Variants in FBLN1 observed in about 807,000 individuals in gnomAD.
FBLN1 encodes fibulin-1.
FBLN1 carries 34 observed loss-of-function variants against 89.7 expected under a neutral mutation model. The ratio of observed to expected loss-of-function variants is 0.38; its 90% CI spans 0.29 to 0.50. The LOEUF is 0.50. FBLN1 is among the 20% of genes least tolerant of loss of function. The probability of loss-of-function intolerance (pLI) is 0.92; values close to 1 mark genes in which losing one functional copy is unlikely to be tolerated. For missense variants in FBLN1, 777 were observed against 988.1 expected (o/e 0.79, Z 2.86); for synonymous variants, 393 against 391.3 (o/e 1.00, Z -0.05).
intron 14 of FBLN1, among the ~76,000 whole-genome samples, chr22:45,568,428 G>GCCTCTTCTGTAGGGGAA (rs1386455026): frequency 0.33 from 24,005 of 73,330 alleles, 3,777 homozygotes; most frequent in Admixed American, 0.34. Context: ...CTGTAGGGGA[G>GCCTCTTCTGTAGGGGAA]TGCTCCTTCT....
At chr22:45,591,571 CACTT>C (rs1210035504) in intron 16 of FBLN1, among the ~76,000 whole-genome samples, 4 of 152,252 alleles carry the variant, frequency 2.6e-5, no homozygotes, top group East Asian at 1.9e-4. Flanking sequence ...TGTTGACTGA[CACTT>C]AGTATTTTAA....
chr22:45,528,760 C>T (rs774973831), intron 4 of FBLN1, among the ~76,000 whole-genome samples: 18 of 152,186 alleles, frequency 1.2e-4, no homozygotes, highest in Non-Finnish European at 8.8e-5. Flanking sequence ...ACAGGTAACA[C>T]GTGCATCCGT....
chr22:45,574,425 C>T lies in FBLN1; in HGVS notation c.1698-86C>T, dbSNP rs1014939162. Reference sequence around the variant, plus strand: ...GGGACAGATGCCCCTGCCCTGGCCACCTGCTCCTCCTCCCTAGACCTCGGC... The same window carrying T: ...GGGACAGATGCCCCTGCCCTGGCCATCTGCTCCTCCTCCCTAGACCTCGGC... On this transcript the variant is annotated intron_variant, in intron 14 of 16. Transcript: ENST00000327858. This position sits in a 1 kb window ranked among gnomAD's most constrained non-coding sequence, Gnocchi z 4.1. The T allele has an allele frequency of 1.7e-5, 25 of 1,494,328 alleles. No individual in the cohort carries two copies. In the African/African-American group the frequency reaches 2.9e-4, roughly 17 times the overall value. The allele number at this position is 1,494,328 out of a possible 1,614,324, so 92.6% of individuals were successfully genotyped here.
intron 2 of FBLN1, chr22:45,523,305 G>C: frequency 1.7e-6 from 1 of 592,322 alleles, no homozygotes; most frequent in South Asian, 2.2e-5. Flanking sequence ...GGCTGAGGGG[G>C]CCATGAGATA....
intron 14 of FBLN1, among the ~76,000 whole-genome samples, chr22:45,568,828 A>G (rs1263570264): frequency 2.2e-5 from 2 of 90,290 alleles, no homozygotes; most frequent in African/African-American, 4.2e-5. Context: ...TCCTCCTGTA[A>G]GGGAATGCCT....
Position 45,543,477 on chromosome 22 carries a change from C to T in FBLN1, c.1272C>T (p.Cys424=), listed in dbSNP as rs1425574394. The T allele has an allele frequency of 6.2e-7, 1 of 1,613,968 alleles. No homozygotes were observed. The highest frequency in any genetic ancestry group is 8.5e-7 in the Non-Finnish European group (1 of 1,180,020). The change falls in exon 11 of 17, where the codon TGC becomes TGT. Residue 424 remains cysteine, a synonymous_variant. Transcript: ENST00000327858. The stretch of plus-strand genomic sequence containing the variant: ...AGAACACGCTGGGCTCCTACCTCTG[C>T]AGCTGTTCCGTGGGCTTCCGGCTCT... The part of the protein sequence containing the change: ...KCENTLGSYL[C]SCSVGFRLSV...
In FBLN1 at chr22:45,542,217, C is replaced by T. The variant is rs1266918511; in HGVS notation, c.1129C>T (p.Pro377Ser). The change falls in exon 10 of 17, where the codon CCC (proline) becomes TCC (serine). Residue 377 changes from proline to serine, a missense_variant. Transcript: ENST00000327858. ...CGKGHRCVNS[P>S]GSFRCECKTG... is the part of the protein sequence containing the mutation. Reference sequence around the variant, plus strand: ...GAAGGGACATCGCTGCGTGAACTCTCCCGGCAGTTTCCGCTGCGAATGCAA... The same window carrying T: ...GAAGGGACATCGCTGCGTGAACTCTTCCGGCAGTTTCCGCTGCGAATGCAA... 1 of 1,614,206 alleles carries T rather than the reference C, an allele frequency of 6.2e-7. No homozygotes were observed. Among genetic ancestry groups the T allele is most frequent in the Non-Finnish European group, 8.5e-7 (1 of 1,180,042 alleles).
rs1278094979 is a variant in FBLN1 at position 45,575,698 on chromosome 22, A to G, written c.1840+1045A>G. On this transcript the variant is annotated intron_variant, in intron 15 of 16. Coordinates refer to ENST00000327858, the MANE Select transcript of FBLN1 (RefSeq NM_006486.3). The surrounding 1 kb of genome is among the most constrained non-coding windows in gnomAD (Gnocchi z 6.3). ...GCATGCAGTGTAGTCATGTTGTGTAACCTGCCATCACTGCACCGTTTCTCT... is the reference window on the plus strand; with the variant it reads ...GCATGCAGTGTAGTCATGTTGTGTAGCCTGCCATCACTGCACCGTTTCTCT... Among the ~76,000 whole-genome samples, 2 of 152,042 alleles carry G rather than the reference A, an allele frequency of 1.3e-5. No individual in the cohort carries two copies. Among genetic ancestry groups the G allele is most frequent in the African/African-American group, 2.4e-5 (1 of 41,394 alleles).
intron 1 of FBLN1, among the ~76,000 whole-genome samples, chr22:45,508,284 A>ATTTTTTTTTTTT (rs1273382952): frequency 3.1e-5 from 2 of 65,428 alleles, no homozygotes; most frequent in African/African-American, 1.1e-4. Context: ...AGCCTCGCGT[A>ATTTTTTTTTTTT]TCTTTTTTTT....
intron 14 of FBLN1, chr22:45,565,359 G>A: frequency 8.9e-7 from 1 of 1,122,784 alleles, no homozygotes; most frequent in Non-Finnish European, 1.1e-6. Context: ...GCTCATCCAT[G>A]TGCTTGTACC....
At chr22:45,511,538 C>T (rs756983602) in intron 1 of FBLN1, among the ~76,000 whole-genome samples, 2 of 151,766 alleles carry the variant, frequency 1.3e-5, no homozygotes, top group Admixed American at 6.6e-5. Context: ...CCTCTGCCTC[C>T]CGGGTTCAAG....
Position 45,563,373 on chromosome 22 carries a change from C to T in FBLN1, c.1698-11138C>T. 3 of 1,556,940 alleles carry T rather than the reference C, an allele frequency of 1.9e-6. No homozygotes were observed. Among genetic ancestry groups the T allele is most frequent in the South Asian group, 1.2e-5 (1 of 85,988 alleles). On this transcript the variant is annotated intron_variant, in intron 14 of 16. Coordinates refer to ENST00000327858, the MANE Select transcript of FBLN1 (RefSeq NM_006486.3). The surrounding 1 kb of genome is among the most constrained non-coding windows in gnomAD (Gnocchi z 5.7). ...CGTCCCACACAGTGAGCCTCGCGTG[C>T]CTTGGTTTTATTTGGCATGGTTGGG...
intron 14 of FBLN1, among the ~76,000 whole-genome samples, chr22:45,566,998 A>C (rs560020435): frequency 2.6e-4 from 39 of 152,274 alleles, no homozygotes; most frequent in Non-Finnish European, 4.6e-4. Flanking sequence ...GGAAGCAAGC[A>C]GTGCTAATAT....
intron 16 of FBLN1, among the ~76,000 whole-genome samples, chr22:45,582,569 C>G (rs2089051640): frequency 6.6e-6 from 1 of 152,224 alleles, no homozygotes; most frequent in Admixed American, 6.5e-5. Context: ...CCCTCCCAGC[C>G]TCAATGATTC....
Position 45,543,095 on chromosome 22 carries a change from C to T in FBLN1, c.1196-306C>T, listed in dbSNP as rs1393642774. ...CAGCCTGGCCAACATGACGAAACCT[C>T]ATCTCTACAAAAAATACAAAAATTA... is the stretch of plus-strand genomic sequence containing the variant. On this transcript the variant is annotated intron_variant, in intron 10 of 16. Transcript: ENST00000327858. Among the ~76,000 whole-genome samples, 6 of 152,306 alleles carry T rather than the reference C, an allele frequency of 3.9e-5. No individual in the cohort carries two copies. In the South Asian group the frequency reaches 8.3e-4, roughly 21 times the overall value.
chr22:45,562,251 C>G lies in FBLN1; in HGVS notation c.1697+11636C>G, dbSNP rs374469010. Among the ~76,000 whole-genome samples, 6 of 152,198 alleles carry G rather than the reference C, an allele frequency of 3.9e-5. No homozygotes were observed. Among genetic ancestry groups the G allele is most frequent in the African/African-American group, 1.4e-4 (6 of 41,448 alleles). On this transcript the variant is annotated intron_variant, in intron 14 of 16. Transcript: ENST00000327858. The surrounding 1 kb of genome is among the most constrained non-coding windows in gnomAD (Gnocchi z 7.8). The stretch of plus-strand genomic sequence containing the variant: ...CTGTGGACCCAGATGGGTTACTGAG[C>G]TTGGAACACGAGGGCTTAGTGACAA...
intron 2 of FBLN1, among the ~76,000 whole-genome samples, chr22:45,520,142 C>T (rs912551318): frequency 6.6e-6 from 1 of 152,176 alleles, no homozygotes; most frequent in Non-Finnish European, 1.5e-5. Flanking sequence ...GTACTCCAGC[C>T]TAGGTGACAG....
rs931529098 is a variant in FBLN1, at chr22:45,590,508, GA to G, written c.1973-9797del. Reference sequence around the variant, plus strand: ...GTGAGCCCGGGTGGGGGTAGGGTGAGAAGAGCCCCCTGCAGAGCCACAGTGG... The same window carrying G: ...GTGAGCCCGGGTGGGGGTAGGGTGAGAGAGCCCCCTGCAGAGCCACAGTGG... On this transcript the variant is annotated intron_variant, in intron 16 of 16. Coordinates refer to ENST00000327858, the MANE Select transcript of FBLN1 (RefSeq NM_006486.3). The surrounding 1 kb of genome is among the most constrained non-coding windows in gnomAD (Gnocchi z 4.1). Among the ~76,000 whole-genome samples, 8 of 152,176 alleles carry G rather than the reference GA, an allele frequency of 5.3e-5. No individual in the cohort carries two copies. The highest frequency in any genetic ancestry group is 6.5e-5 in the Admixed American group (1 of 15,282).
In FBLN1 at chr22:45,574,813, G is replaced by A. The variant is rs1378047635; in HGVS notation, c.1840+160G>A. 1.2e-4 allele frequency among the ~76,000 whole-genome samples: 16 copies of A among 133,592 alleles called. No homozygotes were observed. Among genetic ancestry groups the A allele is most frequent in the African/African-American group, 4.7e-4 (16 of 34,174 alleles). 87.6% of individuals were successfully genotyped at this position (133,592 alleles called of 152,430 possible). A position where few individuals can be genotyped will look rare whatever the true frequency, so the allele number is the denominator to read the frequency against. The stretch of plus-strand genomic sequence containing the variant: ...TTTTTTTTTTTTGAGACGGAGTCTC[G>A]CTCTGTCGCCCGGGCTGGAGTGCAG... On this transcript the variant is annotated intron_variant, in intron 15 of 16. Coordinates refer to ENST00000327858, the MANE Select transcript of FBLN1 (RefSeq NM_006486.3). The surrounding 1 kb of genome is among the most constrained non-coding windows in gnomAD (Gnocchi z 4.1).
Sources: gnomAD v4.1 joint callset for allele counts (sites outside exome capture counted in the v4.1 genomes callset) on GRCh38, gnomAD v4.1.1 for gene constraint, Gnocchi (gnomAD v3.1) non-coding constraint, MANE v1.5 for transcripts, NCBI Gene and HGNC (gene_info 2026-07-23, HGNC 2026-07-21) for gene names.